The following SLAIN1 variants were observed in gnomAD, a reference collection of about 807,000 sequenced individuals.
The protein encoded by SLAIN1 is SLAIN motif-containing protein 1.
In SLAIN1, 17 loss-of-function variants were observed where a neutral mutation model predicts 55.4. That is an observed-to-expected ratio of 0.31 (90% CI 0.21 to 0.46). The LOEUF is 0.46. Among genes scored for constraint, SLAIN1 ranks in the 20% least tolerant of loss-of-function variants. SLAIN1 has a pLI of 1.00. For synonymous variants in SLAIN1, 348 were observed against 337.4 expected, an observed-to-expected ratio of 1.03 and a Z score of -0.35; for missense variants, 682 against 785.1, an observed-to-expected ratio of 0.87 and a Z score of 1.57.
intron 1 of SLAIN1, among the ~76,000 whole-genome samples, chr13:77,713,054 T>A (rs543937343): frequency 6.6e-6 from 1 of 152,166 alleles, no homozygotes; most frequent in Admixed American, 6.5e-5. Context: ...TATGCAAAAA[T>A]TAACTCAAGA....
At position 77,760,805 on chromosome 13, in the gene SLAIN1, A is replaced by G. The variant is rs1454254165; in HGVS notation, c.1415-23A>G. On this transcript the variant is annotated intron_variant, in intron 5 of 6. Transcript: ENST00000418532. ...CGGATAGTGGTAGAAGGTTGCTCAC[A>G]TGAATATCATTTTCTCTTCTAGTTC... 11 of 1,609,160 alleles carry G rather than the reference A, an allele frequency of 6.8e-6. No homozygotes were observed. The Admixed American group carries it at 1.5e-4, about 22-fold the overall frequency.
rs544921287 is a variant in SLAIN1, at chr13:77,762,406, T to C, written c.1698-739T>C. 1.7e-4 allele frequency among the ~76,000 whole-genome samples: 26 copies of C among 152,282 alleles called. No homozygotes were observed. The South Asian group carries it at 4.6e-3, about 27-fold the overall frequency. ...TCTTTTTAATTGTTTTAAATTTAAATTTTTTATTTTATCTATTCTTTTTAG... is the reference window on the plus strand; with the variant it reads ...TCTTTTTAATTGTTTTAAATTTAAACTTTTTATTTTATCTATTCTTTTTAG... On this transcript the variant is annotated intron_variant, in intron 6 of 6. Coordinates refer to ENST00000418532, the MANE Select transcript of SLAIN1 (RefSeq NM_001242868.2).
intron 2 of SLAIN1, among the ~76,000 whole-genome samples, chr13:77,735,116 A>G (rs1326437918): frequency 6.6e-6 from 1 of 152,162 alleles, no homozygotes; most frequent in Non-Finnish European, 1.5e-5. Context: ...AAGTATTACC[A>G]TTTGTGAATG....
At chr13:77,728,683 G>A (rs2091330021) in intron 2 of SLAIN1, among the ~76,000 whole-genome samples, 1 of 152,160 alleles carries the variant, frequency 6.6e-6, no homozygotes. Flanking sequence ...TGATGAAGAA[G>A]AAAGTTGTAG....
chr13:77,699,051 T>C (rs2091004097), intron 1 of SLAIN1: 1 of 1,534,188 alleles, frequency 6.5e-7, no homozygotes. Flanking sequence ...TCTCTCTTTA[T>C]AGAGAGGTTC....
chr13:77,753,188 A>G lies in SLAIN1; in HGVS notation c.1259-15A>G. Reference sequence around the variant, plus strand: ...TAACATCTGTCATTTTTAACTTAGTAAAATTCTTTTCCAGATAAGCTCCGA... The same window carrying G: ...TAACATCTGTCATTTTTAACTTAGTGAAATTCTTTTCCAGATAAGCTCCGA... On this transcript the variant is annotated splice_polypyrimidine_tract_variant and intron_variant, in intron 4 of 6. Transcript: ENST00000418532. 6.4e-7 allele frequency: 1 copy of G among 1,569,718 alleles called. No individual in the cohort carries two copies. The highest frequency in any genetic ancestry group is 8.6e-7 in the Non-Finnish European group (1 of 1,162,170).
At chr13:77,750,055 T>G (rs907987814) in intron 4 of SLAIN1, among the ~76,000 whole-genome samples, 1 of 152,190 alleles carries the variant, frequency 6.6e-6, no homozygotes, top group African/African-American at 2.4e-5. Context: ...TCATATGATA[T>G]TGTTAATTTG....
chr13:77,708,300 T>C (rs1215046020), intron 1 of SLAIN1, among the ~76,000 whole-genome samples: 1 of 152,184 alleles, frequency 6.6e-6, no homozygotes, highest in Non-Finnish European at 1.5e-5. Context: ...TGGGAGTATC[T>C]GGAATCCAGA....
intron 1 of SLAIN1, among the ~76,000 whole-genome samples, chr13:77,715,356 G>A (rs1460734354): frequency 6.6e-6 from 1 of 152,116 alleles, no homozygotes; most frequent in Non-Finnish European, 1.5e-5. Flanking sequence ...ATGGGCACTT[G>A]GGTTGTTTTT....
At chr13:77,751,457 A>T (rs1236476654) in intron 4 of SLAIN1, among the ~76,000 whole-genome samples, 1 of 152,204 alleles carries the variant, frequency 6.6e-6, no homozygotes, top group Non-Finnish European at 1.5e-5. Flanking sequence ...AAACTCAATG[A>T]GACTCTGGAC....
At chr13:77,756,917 A>G (rs1407591937) in intron 5 of SLAIN1, among the ~76,000 whole-genome samples, 2 of 152,142 alleles carry the variant, frequency 1.3e-5, no homozygotes, top group African/African-American at 2.4e-5. Flanking sequence ...GAGCATTGTA[A>G]GGTGCTGGTG....
At chr13:77,705,098 A>G (rs2091075737) in intron 1 of SLAIN1, among the ~76,000 whole-genome samples, 1 of 151,714 alleles carries the variant, frequency 6.6e-6, no homozygotes. Flanking sequence ...GTGTGTATAC[A>G]TATGTGACTG....
chr13:77,703,654 A>G (rs1297232896), intron 1 of SLAIN1, among the ~76,000 whole-genome samples: 5 of 152,004 alleles, frequency 3.3e-5, no homozygotes, highest in Admixed American at 3.3e-4. Flanking sequence ...AACTTCATGT[A>G]TCCTTTTAAG....
chr13:77,752,189 A>G (rs945435116), intron 4 of SLAIN1, among the ~76,000 whole-genome samples: 1 of 151,734 alleles, frequency 6.6e-6, no homozygotes, highest in Non-Finnish European at 1.5e-5. Context: ...TGATGAGTGG[A>G]TATTTCAAGA....
chr13:77,703,876 T>TA (rs573660509), intron 1 of SLAIN1, among the ~76,000 whole-genome samples: 30 of 133,820 alleles, frequency 2.2e-4, no homozygotes, highest in East Asian at 6.4e-4. Flanking sequence ...GTGGCAGGTC[T>TA]AAAAAAAAAA....
intron 1 of SLAIN1, among the ~76,000 whole-genome samples, chr13:77,700,084 A>G (rs1335071807): frequency 6.6e-6 from 1 of 152,196 alleles, no homozygotes; most frequent in African/African-American, 2.4e-5. Flanking sequence ...AAATATTTGC[A>G]TTTTAAAATT....
intron 4 of SLAIN1, among the ~76,000 whole-genome samples, chr13:77,752,681 C>T (rs1874316553): frequency 6.6e-6 from 1 of 152,116 alleles, no homozygotes; most frequent in Non-Finnish European, 1.5e-5. Context: ...CAGTCTGTGG[C>T]CAAAGGCCTG....
At chr13:77,747,504 C>A (rs1018358231) in intron 4 of SLAIN1, among the ~76,000 whole-genome samples, 2 of 152,100 alleles carry the variant, frequency 1.3e-5, no homozygotes, top group African/African-American at 4.8e-5. Context: ...TGTGGTCAAG[C>A]CCATGGAGGC....
chr13:77,734,704 G>A (rs546312005), intron 2 of SLAIN1, among the ~76,000 whole-genome samples: 1 of 152,228 alleles, frequency 6.6e-6, no homozygotes, highest in Non-Finnish European at 1.5e-5. Flanking sequence ...CTCCTACCTA[G>A]CTTCTAGAAC....
Sources: allele counts gnomAD v4.1 joint callset (sites outside exome capture counted in the v4.1 genomes callset), GRCh38; gene constraint gnomAD v4.1.1; transcripts MANE v1.5; gene names NCBI Gene and HGNC (gene_info 2026-07-23, HGNC 2026-07-21).